Variants in MBP observed in about 807,000 individuals in gnomAD.
The protein encoded by MBP is Golli-MBP.
A neutral mutation model predicts 35.8 loss-of-function variants in MBP; 16 were observed. The observed-to-expected ratio is 0.45, with a 90% CI of 0.30 to 0.68. The LOEUF (loss-of-function observed/expected upper bound fraction) is 0.68, where lower values mean the gene tolerates loss of function less well. Among genes scored for constraint, MBP ranks in the 30% least tolerant of loss-of-function variants. MBP has a pLI of 0.08. For missense variants in MBP, 380 were observed against 404.7 expected, an observed-to-expected ratio of 0.94 and a Z score of 0.52; for synonymous variants, 143 against 159.6, an observed-to-expected ratio of 0.90 and a Z score of 0.78.
At chr18:77,112,131 A>G (rs539067478) in intron 1 of MBP, among the ~76,000 whole-genome samples, 39 of 151,814 alleles carry the variant, frequency 2.6e-4, no homozygotes, top group African/African-American at 8.7e-4. Flanking sequence ...ACAGCTACCA[A>G]CGTCACCAAA....
chr18:76,987,574 T>C (rs985021813), intron 7 of MBP: 1 of 985,178 alleles, frequency 1.0e-6, no homozygotes, highest in Admixed American at 6.1e-5. Flanking sequence ...CTCCTTGTTG[T>C]TTTTCTTTTA....
intron 2 of MBP, among the ~76,000 whole-genome samples, chr18:77,084,020 T>TAA (rs1555726539): frequency 1.1e-4 from 16 of 148,844 alleles, no homozygotes; most frequent in Middle Eastern, 6.9e-3. Context: ...TTTTTTTTTT[T>TAA]AAAAAACCCA....
At chr18:77,015,620 A>G (rs1971582052) in intron 4 of MBP, 1 of 985,316 alleles carries the variant, frequency 1.0e-6, no homozygotes, top group African/African-American at 1.7e-5. Context: ...TGAAATCTCA[A>G]CTCAGACAGA....
At chr18:77,022,552 A>G (rs1972033741) in intron 3 of MBP, among the ~76,000 whole-genome samples, 1 of 152,102 alleles carries the variant, frequency 6.6e-6, no homozygotes, top group Admixed American at 6.5e-5. Flanking sequence ...TGCAGGGTGC[A>G]ATGCTTATTT....
At chr18:77,074,229 G>C (rs1343486371) in intron 2 of MBP, among the ~76,000 whole-genome samples, 3 of 152,124 alleles carry the variant, frequency 2.0e-5, no homozygotes, top group Non-Finnish European at 4.4e-5. Context: ...CTTCTGGAAA[G>C]GGCCATGAGA....
intron 2 of MBP, among the ~76,000 whole-genome samples, chr18:77,085,979 G>T (rs12956948): frequency 6.6e-6 from 1 of 151,900 alleles, no homozygotes; most frequent in South Asian, 2.1e-4. Context: ...ACCGCGCCCG[G>T]CCCTCAGTGC....
intron 3 of MBP, among the ~76,000 whole-genome samples, chr18:77,046,036 A>G (rs1416496513): frequency 1.3e-5 from 2 of 152,230 alleles, no homozygotes; most frequent in Non-Finnish European, 2.9e-5. Flanking sequence ...CATTCATGTA[A>G]TATTATATGA....
rs1158566836 is a variant in MBP at position 76,988,889 on chromosome 18, C to CGG, written c.703_704dup (p.Ser236ArgfsTer11). ...TCCAAGGTCTTACCTTTCCCTGCGA[C>CGG]GGGGGTGGTGTGCGAGGCGTCACCT... On this transcript the variant is annotated frameshift_variant, in exon 6 of 9. Coordinates refer to ENST00000355994, the MANE Select transcript of MBP (RefSeq NM_001025101.2). LOFTEE classifies it high-confidence loss of function. The surrounding 1 kb of genome is among the most constrained non-coding windows in gnomAD (Gnocchi z 5.2). 6.2e-7 allele frequency: 1 copy of CGG among 1,613,854 alleles called. No homozygotes were observed.
intron 4 of MBP, among the ~76,000 whole-genome samples, chr18:76,994,353 C>T (rs1418742032): frequency 6.6e-6 from 1 of 152,160 alleles, no homozygotes; most frequent in Non-Finnish European, 1.5e-5. Flanking sequence ...AATCACTCAT[C>T]CTGTGATTAA....
Position 76,988,773 on chromosome 18 carries a change from G to A in MBP, c.717+104C>T. ...CTGCCTGGCAACACGTTTTGGGATG[G>A]ATTCTGGTAGCTCGGAGCCTAACTC... On this transcript the variant is annotated intron_variant, in intron 6 of 8. Transcript: ENST00000355994. The surrounding 1 kb of genome is among the most constrained non-coding windows in gnomAD (Gnocchi z 5.2). 1.4e-6 allele frequency: 2 copies of A among 1,421,358 alleles called. No individual in the cohort carries two copies. Among genetic ancestry groups the A allele is most frequent in the East Asian group, 2.3e-5 (1 of 43,644 alleles). 88.0% of individuals were successfully genotyped at this position (1,421,358 alleles called of 1,614,324 possible).
chr18:77,032,219 C>T (rs746080060), intron 3 of MBP, among the ~76,000 whole-genome samples: 10 of 152,128 alleles, frequency 6.6e-5, no homozygotes, highest in East Asian at 3.9e-4. Flanking sequence ...ACTTGTGTCA[C>T]GGCGCGCTGT....
intron 4 of MBP, chr18:77,003,938 A>AC (rs1219973281): frequency 2.0e-5 from 3 of 151,846 alleles, no homozygotes; most frequent in African/African-American, 4.8e-5. Context: ...GAAACAGCAG[A>AC]CCCCCTGCAA....
At chr18:77,124,237 G>A (rs531082042) in intron 1 of MBP, among the ~76,000 whole-genome samples, 1 of 152,164 alleles carries the variant, frequency 6.6e-6, no homozygotes, top group African/African-American at 2.4e-5. Flanking sequence ...TTTATTACTT[G>A]CCTTTTTATA....
At chr18:77,010,069 G>C in intron 4 of MBP, 1 of 636,016 alleles carries the variant, frequency 1.6e-6, no homozygotes, top group South Asian at 1.8e-5. Context: ...GAGGATGAAG[G>C]ACGACAGGGA....
chr18:77,060,949 G>A (rs1480375038), intron 3 of MBP, among the ~76,000 whole-genome samples: 1 of 152,206 alleles, frequency 6.6e-6, no homozygotes, highest in South Asian at 2.1e-4. Flanking sequence ...GACCCTCAAT[G>A]GAACACAGGC....
intron 7 of MBP, 96 bp from the exon 8 acceptor site, chr18:76,984,990 C>G: frequency 6.4e-7 from 1 of 1,569,420 alleles, no homozygotes; most frequent in Non-Finnish European, 8.6e-7. Flanking sequence ...GGGGAAGGGC[C>G]CAGGCCCCGG....
intron 1 of MBP, among the ~76,000 whole-genome samples, chr18:77,120,098 G>A (rs1258830949): frequency 1.3e-5 from 2 of 152,226 alleles, no homozygotes; most frequent in Non-Finnish European, 2.9e-5. Flanking sequence ...CTCAGCCCAC[G>A]AAGCATGAAT....
chr18:77,051,247 A>G (rs1376181539), intron 3 of MBP, among the ~76,000 whole-genome samples: 1 of 152,198 alleles, frequency 6.6e-6, no homozygotes, highest in Non-Finnish European at 1.5e-5. Flanking sequence ...ACCTCATGAA[A>G]CGTTCCCATT....
intron 1 of MBP, among the ~76,000 whole-genome samples, chr18:77,116,262 C>T (rs370583845): frequency 1.3e-5 from 2 of 152,208 alleles, no homozygotes; most frequent in South Asian, 4.1e-4. Context: ...ATTAACCTCA[C>T]CATGGTCTCA....
Sources: allele counts gnomAD v4.1 joint callset (sites outside exome capture counted in the v4.1 genomes callset), GRCh38; gene constraint gnomAD v4.1.1; non-coding constraint Gnocchi (gnomAD v3.1); transcripts MANE v1.5; gene names NCBI Gene and HGNC (gene_info 2026-07-23, HGNC 2026-07-21).